Variants in CREB3L2 observed in about 807,000 individuals in gnomAD.
The protein encoded by CREB3L2 is cyclic AMP-responsive element-binding protein 3-like protein 2.
A neutral mutation model predicts 57.2 loss-of-function variants in CREB3L2; 23 were observed. The observed-to-expected ratio is 0.40, with a 90% CI of 0.29 to 0.57. The LOEUF is 0.57. Ranked by LOEUF, CREB3L2 falls within the 20% of genes least tolerant of loss-of-function variation. CREB3L2 has a pLI of 0.42. For missense variants in CREB3L2, 628 were observed against 634.7 expected (o/e 0.99, Z 0.11); for synonymous variants, 268 against 265.1 (o/e 1.01, Z -0.11).
chr7:137,987,897 A>G (rs960199740), intron 1 of CREB3L2, among the ~76,000 whole-genome samples: 1 of 152,192 alleles, frequency 6.6e-6, no homozygotes, highest in Admixed American at 6.5e-5. Context: ...AACTCACAAG[A>G]CATTTTCTTA....
Position 137,875,158 on chromosome 7 carries a change from T to C in CREB3L2, c.*5318A>G, listed in dbSNP as rs1799119491. 1 of 206,186 alleles carries C rather than the reference T, an allele frequency of 4.8e-6. No homozygotes were observed. Among genetic ancestry groups the C allele is most frequent in the African/African-American group, 2.3e-5 (1 of 43,594 alleles). The allele number at this position is 206,186 out of a possible 1,614,324, so 12.8% of individuals were successfully genotyped here. On this transcript the variant is annotated 3_prime_UTR_variant, in exon 12 of 12. Transcript: ENST00000330387. ...CATTTAAAAAACGCGATAGGACAGA[T>C]AACAGACTCACAACGTATTTAGATT...
intron 1 of CREB3L2, among the ~76,000 whole-genome samples, chr7:137,947,450 C>T (rs1034501177): frequency 2.6e-5 from 4 of 152,168 alleles, no homozygotes; most frequent in African/African-American, 9.7e-5. Flanking sequence ...GCTGGAGAAC[C>T]TGTGACACTT....
At chr7:137,995,425 C>A (rs1172221654) in intron 1 of CREB3L2, among the ~76,000 whole-genome samples, 3 of 142,466 alleles carry the variant, frequency 2.1e-5, no homozygotes, top group Admixed American at 7.3e-5. Context: ...ACCTCCACCC[C>A]CCAGGTTCAA....
intron 1 of CREB3L2, chr7:137,956,541 T>C: frequency 1.8e-6 from 2 of 1,137,334 alleles, no homozygotes; most frequent in Non-Finnish European, 2.4e-6. Context: ...CCACCTGAGC[T>C]GCTTTCAAAC....
At chr7:137,905,923 T>C (rs1799883284) in intron 5 of CREB3L2, 75 bp from the exon 6 acceptor site, 2 of 1,384,798 alleles carry the variant, frequency 1.4e-6, no homozygotes, top group East Asian at 4.6e-5. Context: ...CCCAATGGGA[T>C]GATGAGAATC....
At chr7:137,963,221 G>A (rs1044590836) in intron 1 of CREB3L2, among the ~76,000 whole-genome samples, 6 of 152,144 alleles carry the variant, frequency 3.9e-5, no homozygotes, top group African/African-American at 1.2e-4. Context: ...CCCCCTCTCC[G>A]GAGGCTCTAA....
rs767961892 is a variant in CREB3L2, at chr7:137,903,977, A to C, written c.956T>G (p.Met319Arg). 2 of 1,613,792 alleles carry C rather than the reference A, an allele frequency of 1.2e-6. No homozygotes were observed. The highest frequency in any genetic ancestry group is 3.3e-5 in the Admixed American group (2 of 60,006). Residue 319 changes from methionine (M) to arginine (R), a missense_variant, in exon 7 of 12, where the codon ATG becomes AGG. Met to Arg is a moderately conservative substitution (Grantham distance 91). Around this residue, in one of 3 missense-constraint regions of CREB3L2, gnomAD observed 272 missense variants for 242.7 expected, o/e 1.12. Coordinates refer to ENST00000330387, the MANE Select transcript of CREB3L2 (RefSeq NM_194071.4). ...QESRRKKKEYMDSLEKKVESC... is the reference protein window; with the variant it reads ...QESRRKKKEYRDSLEKKVESC... ...GGCTTACTTTTTCTCCAGGCTGTCC[A>C]TGTATTCTTTCTTCTTTCTCCTACT...
chr7:137,992,219 T>C (rs1023046043), intron 1 of CREB3L2, among the ~76,000 whole-genome samples: 9 of 152,136 alleles, frequency 5.9e-5, no homozygotes, highest in African/African-American at 1.4e-4. Flanking sequence ...CACTTTTGAA[T>C]TGACCTTCCA....
chr7:137,909,988 C>T (rs548204539), intron 4 of CREB3L2, among the ~76,000 whole-genome samples: 6 of 152,266 alleles, frequency 3.9e-5, no homozygotes, highest in African/African-American at 1.4e-4. Flanking sequence ...CTTTCGCTTT[C>T]CACCATGATT....
Position 137,876,786 on chromosome 7 carries a change from T to C in CREB3L2, c.*3690A>G, listed in dbSNP as rs530890091. The C allele has an allele frequency of 2.6e-5, 6 of 232,218 alleles. No individual in the cohort carries two copies. The highest frequency in any genetic ancestry group is 1.8e-4 in the South Asian group (1 of 5,510). 14.4% of individuals were successfully genotyped at this position (232,218 alleles called of 1,614,324 possible). A position where few individuals can be genotyped will look rare whatever the true frequency, so the allele number is the denominator to read the frequency against. Reference sequence around the variant, plus strand: ...CAGGTTTCTTAAAGACTGGCTTCAATAGAACCAACTGTAGTGACTTGGGGC... The same window carrying C: ...CAGGTTTCTTAAAGACTGGCTTCAACAGAACCAACTGTAGTGACTTGGGGC... On this transcript the variant is annotated 3_prime_UTR_variant, in exon 12 of 12. Coordinates refer to ENST00000330387, the MANE Select transcript of CREB3L2 (RefSeq NM_194071.4).
At position 137,882,462 on chromosome 7, in the gene CREB3L2, C is replaced by A. The variant is rs151002001; in HGVS notation, c.1437G>T (p.Ser479=). 2.5e-6 allele frequency: 4 copies of A among 1,613,876 alleles called. No individual in the cohort carries two copies. Among genetic ancestry groups the A allele is most frequent in the African/African-American group, 2.7e-5 (2 of 74,914 alleles). The change falls in exon 11 of 12, where the codon TCG becomes TCT. Residue 479 remains serine, a synonymous_variant. Transcript: ENST00000330387. The part of the protein sequence containing the change: ...PDVDLPHFII[S]NETSLEKSVL... ...CTGACTTCTCCAGGCTGGTCTCATT[C>A]GAGATAATGAAATGGGGAAGATCCA...
At chr7:137,929,719 A>T (rs1800569440) in intron 1 of CREB3L2, among the ~76,000 whole-genome samples, 1 of 149,478 alleles carries the variant, frequency 6.7e-6, no homozygotes, top group African/African-American at 2.4e-5. Flanking sequence ...AAAAAAAAAA[A>T]TTAGCTGGGT....
At chr7:137,944,789 TTATA>T (rs1187281418) in intron 1 of CREB3L2, among the ~76,000 whole-genome samples, 9 of 152,206 alleles carry the variant, frequency 5.9e-5, no homozygotes, top group African/African-American at 2.2e-4. Context: ...CTTTATATAT[TTATA>T]TATGTTGTTA....
chr7:137,922,405 T>TAC (rs1563253234), intron 2 of CREB3L2, among the ~76,000 whole-genome samples: 2 of 19,222 alleles, frequency 1.0e-4, no homozygotes, highest in South Asian at 1.6e-3. Flanking sequence ...TATATATATA[T>TAC]ATATATATAT....
intron 1 of CREB3L2, among the ~76,000 whole-genome samples, chr7:137,989,005 GA>G (rs1278761008): frequency 6.6e-6 from 1 of 152,000 alleles, no homozygotes; most frequent in African/African-American, 2.4e-5. Context: ...AAAGAAAAAA[GA>G]AAAGAAAGAG....
chr7:137,957,610 G>A, intron 1 of CREB3L2: 1 of 421,304 alleles, frequency 2.4e-6, no homozygotes, highest in Non-Finnish European at 4.2e-6. Flanking sequence ...CCCTCAACTA[G>A]TAAAGAACTC....
intron 1 of CREB3L2, among the ~76,000 whole-genome samples, chr7:137,961,084 C>T (rs908191719): frequency 6.6e-6 from 1 of 151,166 alleles, no homozygotes; most frequent in African/African-American, 2.4e-5. Flanking sequence ...TTCTTTCACT[C>T]AGAAAGAAAT....
rs1324783341 is a variant in CREB3L2, at chr7:137,876,056, TTG to T, written c.*4418_*4419del. The T allele has an allele frequency of 8.7e-6, 2 of 231,020 alleles. No individual in the cohort carries two copies. The highest frequency in any genetic ancestry group is 1.7e-5 in the Non-Finnish European group (2 of 116,628). The allele number at this position is 231,020 out of a possible 1,614,324, so 14.3% of individuals were successfully genotyped here. A position where few individuals can be genotyped will look rare whatever the true frequency, so the allele number is the denominator to read the frequency against. ...TTATAATACCTTTAATCCTGGCTGG[TTG>T]TTTTTTTGATGTGATTGCACTCCTG... On this transcript the variant is annotated 3_prime_UTR_variant, in exon 12 of 12. Coordinates refer to ENST00000330387, the MANE Select transcript of CREB3L2 (RefSeq NM_194071.4).
chr7:137,937,862 C>A (rs1800817428), intron 1 of CREB3L2, among the ~76,000 whole-genome samples: 1 of 150,340 alleles, frequency 6.7e-6, no homozygotes. Context: ...TATATGTACA[C>A]CTTGCTTGGT....
Sources: allele counts gnomAD v4.1 joint callset (sites outside exome capture counted in the v4.1 genomes callset), GRCh38; gene constraint gnomAD v4.1.1; regional missense constraint gnomAD v4.1.1; transcripts MANE v1.5; gene names NCBI Gene and HGNC (gene_info 2026-07-23, HGNC 2026-07-21).